Variants in EPHB1 observed in about 807,000 individuals in gnomAD.
EPHB1 encodes the protein EPH receptor B1.
Under a neutral mutation model 94.4 loss-of-function variants are expected in EPHB1, and 30 were observed. The observed-to-expected ratio is 0.32, with a 90% CI of 0.24 to 0.43. The LOEUF is 0.43. Among genes scored for constraint, EPHB1 ranks in the 20% least tolerant of loss-of-function variants. EPHB1 has a pLI of 1.00. For synonymous variants in EPHB1, 522 were observed against 489.1 expected (o/e 1.07, Z -0.89); for missense variants, 1,055 against 1,308.3 (o/e 0.81, Z 2.99).
intron 12 of EPHB1, among the ~76,000 whole-genome samples, chr3:135,227,894 T>C (rs1218327874): frequency 6.6e-6 from 1 of 152,188 alleles, no homozygotes; most frequent in Non-Finnish European, 1.5e-5. Context: ...TTTCTCTCTC[T>C]GTAAAATATT....
chr3:135,256,988 C>CT (rs1259938787), intron 15 of EPHB1, among the ~76,000 whole-genome samples: 1 of 141,814 alleles, frequency 7.1e-6, no homozygotes, highest in Non-Finnish European at 1.5e-5. Context: ...TGCTGATACC[C>CT]TTTCTTCCAG....
At chr3:135,086,149 G>T (rs1486430126) in intron 3 of EPHB1, among the ~76,000 whole-genome samples, 2 of 152,120 alleles carry the variant, frequency 1.3e-5, no homozygotes, top group Non-Finnish European at 2.9e-5. Context: ...GATATGTGGG[G>T]GGTGGTAGGA....
At chr3:134,805,111 G>A (rs2036012947) in intron 1 of EPHB1, among the ~76,000 whole-genome samples, 1 of 152,200 alleles carries the variant, frequency 6.6e-6, no homozygotes, top group African/African-American at 2.4e-5. Context: ...GAGGTGAGCT[G>A]GGGATGGGGG....
intron 15 of EPHB1, among the ~76,000 whole-genome samples, chr3:135,253,518 G>A (rs1236252191): frequency 2.6e-5 from 4 of 151,894 alleles, no homozygotes; most frequent in Admixed American, 2.6e-4. Flanking sequence ...AGATCAGATA[G>A]TCGTAGATAT....
rs561793277 is a variant in EPHB1, at chr3:135,065,918, G to T, written c.806-40530G>T. The stretch of plus-strand genomic sequence containing the variant: ...GTAGTGGCAAATTCTCTCAGCATTT[G>T]TTTGTCTGAAAAAGACTATATATTT... On this transcript the variant is annotated intron_variant, in intron 3 of 15. Coordinates refer to ENST00000398015, the MANE Select transcript of EPHB1 (RefSeq NM_004441.5). Among the ~76,000 whole-genome samples the T allele has an allele frequency of 3.2e-4, 48 of 152,290 alleles. 1 individual carries two copies. The South Asian group carries it at 8.9e-3, about 28-fold the overall frequency.
At chr3:135,226,730 T>C (rs987444823) in intron 12 of EPHB1, among the ~76,000 whole-genome samples, 1 of 152,162 alleles carries the variant, frequency 6.6e-6, no homozygotes, top group Non-Finnish European at 1.5e-5. Flanking sequence ...ACTTGGAAGG[T>C]TGTTGGCCTA....
At chr3:134,829,734 A>C (rs927484896) in intron 1 of EPHB1, among the ~76,000 whole-genome samples, 1 of 152,176 alleles carries the variant, frequency 6.6e-6, no homozygotes, top group Non-Finnish European at 1.5e-5. Flanking sequence ...TAAGCAGTTA[A>C]ATTAAGATGA....
At chr3:134,999,606 A>G (rs1294063895) in intron 3 of EPHB1, among the ~76,000 whole-genome samples, 1 of 152,196 alleles carries the variant, frequency 6.6e-6, no homozygotes, top group Non-Finnish European at 1.5e-5. Context: ...CATCTTAGTA[A>G]AGGAGGAAGG....
At chr3:134,892,797 TC>T (rs1161517799) in intron 1 of EPHB1, among the ~76,000 whole-genome samples, 2 of 147,896 alleles carry the variant, frequency 1.4e-5, no homozygotes, top group East Asian at 4.3e-4. Flanking sequence ...CACTCTGCCC[TC>T]CCCTCCCTCC....
intron 3 of EPHB1, among the ~76,000 whole-genome samples, chr3:135,005,396 G>T (rs917744560): frequency 8.5e-5 from 13 of 152,244 alleles, no homozygotes; most frequent in East Asian, 1.9e-4. Context: ...CTGCAGAGGA[G>T]ACTGCTGTCT....
intron 3 of EPHB1, among the ~76,000 whole-genome samples, chr3:134,989,484 C>A (rs36097): frequency 3.3e-5 from 5 of 151,914 alleles, no homozygotes; most frequent in Non-Finnish European, 7.4e-5. Flanking sequence ...CGCCTGCACA[C>A]GCACGCGCGC....
intron 12 of EPHB1, among the ~76,000 whole-genome samples, chr3:135,214,862 A>T (rs1292860626): frequency 6.6e-6 from 1 of 152,186 alleles, no homozygotes; most frequent in African/African-American, 2.4e-5. Flanking sequence ...CATTTCTAGA[A>T]CTTTCTTTCC....
chr3:135,203,678 G>A (rs749462772), intron 12 of EPHB1, among the ~76,000 whole-genome samples: 6 of 152,142 alleles, frequency 3.9e-5, no homozygotes, highest in Non-Finnish European at 7.3e-5. Context: ...CTGCCCTGAC[G>A]CATTAATTTT....
chr3:134,958,923 T>C (rs1933393018), intron 3 of EPHB1, among the ~76,000 whole-genome samples: 2 of 152,146 alleles, frequency 1.3e-5, no homozygotes, highest in Non-Finnish European at 2.9e-5. Flanking sequence ...CCTTTCTGCC[T>C]TTGAGACACA....
chr3:134,864,687 A>C lies in EPHB1; in HGVS notation c.59-61129A>C, dbSNP rs760761145. Among the ~76,000 whole-genome samples the C allele has an allele frequency of 2.0e-5, 3 of 152,252 alleles. No homozygotes were observed. In the East Asian group the frequency reaches 5.8e-4, roughly 29 times the overall value. On this transcript the variant is annotated intron_variant, in intron 1 of 15. Coordinates refer to ENST00000398015, the MANE Select transcript of EPHB1 (RefSeq NM_004441.5). ...CGTTTTCTACTTGCTTTCCATAAGA[A>C]CCAAAATATTGCGGCAAGTGGGAGA...
At chr3:134,920,035 A>G (rs575812842) in intron 1 of EPHB1, among the ~76,000 whole-genome samples, 6 of 151,924 alleles carry the variant, frequency 3.9e-5, no homozygotes, top group African/African-American at 1.4e-4. Flanking sequence ...CTATGAGTCC[A>G]TCTCCTACCA....
intron 3 of EPHB1, among the ~76,000 whole-genome samples, chr3:134,971,764 C>G (rs557081290): frequency 3.3e-5 from 5 of 152,296 alleles, no homozygotes; most frequent in Admixed American, 3.3e-4. Context: ...GCTAAGGCTC[C>G]TGGCCTGTTT....
At chr3:134,972,523 T>G (rs993169705) in intron 3 of EPHB1, among the ~76,000 whole-genome samples, 6 of 104,248 alleles carry the variant, frequency 5.8e-5, no homozygotes, top group Non-Finnish European at 1.2e-4. Flanking sequence ...TTATTATATA[T>G]TTATTATAAA....
chr3:135,249,297 C>T (rs1932964267), intron 14 of EPHB1, 39 bp from the exon 15 acceptor site: 1 of 1,585,760 alleles, frequency 6.3e-7, no homozygotes, highest in Non-Finnish European at 8.6e-7. Flanking sequence ...CCATGCATCT[C>T]TGCAATGTGT....
Sources: allele counts gnomAD v4.1 joint callset (sites outside exome capture counted in the v4.1 genomes callset), GRCh38; gene constraint gnomAD v4.1.1; transcripts MANE v1.5; gene names NCBI Gene and HGNC (gene_info 2026-07-23, HGNC 2026-07-21).